The following ANXA5 variants were observed in gnomAD, a reference collection of about 807,000 sequenced individuals.
ANXA5 encodes CBP-I.
A neutral mutation model predicts 48.1 loss-of-function variants in ANXA5; 40 were observed. The ratio of observed to expected loss-of-function variants is 0.83; its 90% CI spans 0.65 to 1.08. ANXA5 has a LOEUF of 1.08. Among genes scored for constraint, ANXA5 ranks in the 50% least tolerant of loss-of-function variants. The pLI is 0.00. For missense variants in ANXA5, 357 were observed against 376.8 expected (o/e 0.95, Z 0.44); for synonymous variants, 113 against 129.1 (o/e 0.88, Z 0.85).
intron 11 of ANXA5, 73 bp downstream of exon 11, chr4:121,669,881 A>G: frequency 6.8e-7 from 1 of 1,467,832 alleles, no homozygotes; most frequent in South Asian, 1.2e-5. Flanking sequence ...ATCATCTAAA[A>G]CATAAACAAA....
rs1057138984 is a variant in ANXA5, at chr4:121,668,140, A to G, written c.*328T>C. The stretch of plus-strand genomic sequence containing the variant: ...AGGCTAAGCTTCTGATTAAAGTATC[A>G]TGGTTACAAATGTAATATAAATGGA... On this transcript the variant is annotated 3_prime_UTR_variant, in exon 13 of 13. Coordinates refer to ENST00000296511, the MANE Select transcript of ANXA5 (RefSeq NM_001154.4). The G allele has an allele frequency of 4.8e-5, 9 of 186,690 alleles. No homozygotes were observed. The highest frequency in any genetic ancestry group is 3.0e-4 in the Admixed American group (5 of 16,744). 11.6% of individuals were successfully genotyped at this position (186,690 alleles called of 1,614,324 possible).
intron 1 of ANXA5, 39 bp from the exon 2 acceptor site, chr4:121,696,663 T>G (rs942658689): frequency 1.2e-5 from 15 of 1,275,244 alleles, no homozygotes; most frequent in Non-Finnish European, 1.3e-5. Flanking sequence ...GCGCGCCATT[T>G]GCAACTCGTG....
At chr4:121,685,639 C>T (rs997242013) in intron 3 of ANXA5, among the ~76,000 whole-genome samples, 2 of 152,200 alleles carry the variant, frequency 1.3e-5, no homozygotes, top group East Asian at 3.9e-4. Context: ...AACAGTAGTA[C>T]AAAAGGAGCC....
At chr4:121,685,936 C>T (rs1422228715) in intron 3 of ANXA5, among the ~76,000 whole-genome samples, 1 of 151,992 alleles carries the variant, frequency 6.6e-6, no homozygotes, top group Non-Finnish European at 1.5e-5. Context: ...TTGTCCAACC[C>T]ATGGCCTGCA....
Position 121,678,443 on chromosome 4 carries a change from T to A in ANXA5, c.446A>T (p.Tyr149Phe), listed in dbSNP as rs1479728412. 1 of 1,613,788 alleles carries A rather than the reference T, an allele frequency of 6.2e-7. No homozygotes were observed. The highest frequency in any genetic ancestry group is 8.5e-7 in the Non-Finnish European group (1 of 1,179,856). The change falls in exon 7 of 13, where the codon TAC becomes TTC. Residue 149 changes from tyrosine to phenylalanine, a missense_variant. Tyr to Phe is a conservative substitution (Grantham distance 22). Transcript: ENST00000296511. ...AAGGAGAACCACCAACATCCGCTGG[T>A]AGTACCCTGAAGTGTCCCCCACCAC... Reference protein sequence around the residue: ...DDVVGDTSGYYQRMLVVLLQA... With the variant: ...DDVVGDTSGYFQRMLVVLLQA...
intron 2 of ANXA5, among the ~76,000 whole-genome samples, chr4:121,694,284 AAAC>A (rs1227824976): frequency 2.0e-5 from 2 of 102,296 alleles, no homozygotes; most frequent in Admixed American, 8.9e-5. Context: ...AATAAAAAAT[AAAC>A]AAAAAAATTC....
intron 8 of ANXA5, among the ~76,000 whole-genome samples, chr4:121,675,400 A>AT: frequency 6.6e-6 from 1 of 152,222 alleles, no homozygotes; most frequent in Non-Finnish European, 1.5e-5. Flanking sequence ...CTCACTAGTG[A>AT]TAACAGTCCA....
At chr4:121,684,635 A>G in intron 4 of ANXA5, 42 bp downstream of exon 4, 1 of 1,519,130 alleles carries the variant, frequency 6.6e-7, no homozygotes, top group Non-Finnish European at 9.1e-7. Context: ...TATAACTGAT[A>G]GCTGTTCTCC....
rs746183924 is a variant in ANXA5 at position 121,669,988 on chromosome 4, G to T, written c.746C>A (p.Ala249Asp). 6.2e-7 allele frequency: 1 copy of T among 1,604,610 alleles called. No homozygotes were observed. ...ATAATAGAGGGTCTCTGCAAGGTAG[G>T]CAGGTATACTTCGAATAGATTTCAC... ...AVVKSIRSIP[A>D]YLAETLYYAM... The change falls in exon 11 of 13, where the codon GCC becomes GAC. Residue 249 changes from alanine to aspartate, a missense_variant. By Grantham distance (126) the Ala-to-Asp change is moderately radical (BLOSUM62 -2). Coordinates refer to ENST00000296511, the MANE Select transcript of ANXA5 (RefSeq NM_001154.4).
At chr4:121,681,046 C>T (rs1216588973) in intron 6 of ANXA5, among the ~76,000 whole-genome samples, 1 of 152,106 alleles carries the variant, frequency 6.6e-6, no homozygotes, top group South Asian at 2.1e-4. Flanking sequence ...GAGTTGGCTA[C>T]AAGAAATCTG....
intron 2 of ANXA5, among the ~76,000 whole-genome samples, chr4:121,690,611 T>C (rs763784230): frequency 6.6e-6 from 1 of 151,986 alleles, no homozygotes; most frequent in Non-Finnish European, 1.5e-5. Flanking sequence ...TTGTAGGCTA[T>C]GAAGAAACTT....
At position 121,681,754 on chromosome 4, in the gene ANXA5, C is replaced by T. The variant is rs1270580079; in HGVS notation, c.311G>A (p.Gly104Glu). The T allele has an allele frequency of 9.9e-6, 16 of 1,609,580 alleles. No individual in the cohort carries two copies. In the South Asian group the frequency reaches 1.7e-4, roughly 17 times the overall value. ...TTCTGTCAGTACTTTTTCATTTGTT[C>T]CAGCTCCCTGTTTGGAGATTTTAAT... Reference protein sequence around the residue: ...YELKHALKGAGTNEKVLTEII... With the variant: ...YELKHALKGAETNEKVLTEII... Residue 104 changes from glycine (G) to glutamate (E), a missense_variant, in exon 6 of 13, where the codon GGA becomes GAA. By Grantham distance (98) the Gly-to-Glu change is moderately conservative. Coordinates refer to ENST00000296511, the MANE Select transcript of ANXA5 (RefSeq NM_001154.4).
At chr4:121,695,830 G>A (rs1055692875) in intron 2 of ANXA5, among the ~76,000 whole-genome samples, 3 of 151,820 alleles carry the variant, frequency 2.0e-5, no homozygotes, top group East Asian at 3.9e-4. Flanking sequence ...AACCCGGGAG[G>A]CAGAGGTTGT....
rs1724553655 is a variant in ANXA5 at position 121,668,263 on chromosome 4, GT to G, written c.*204del. 1 of 521,450 alleles carries G rather than the reference GT, an allele frequency of 1.9e-6. No homozygotes were observed. Among genetic ancestry groups the G allele is most frequent in the Non-Finnish European group, 3.4e-6 (1 of 291,948 alleles). The allele number at this position is 521,450 out of a possible 1,614,324, so 32.3% of individuals were successfully genotyped here. A position where few individuals can be genotyped will look rare whatever the true frequency, so the allele number is the denominator to read the frequency against. ...ACTTAGTAACATTAAGTACACTTTA[GT>G]ACTACAGCAGTCAAAGAGATCTCCA... On this transcript the variant is annotated 3_prime_UTR_variant, in exon 13 of 13. Coordinates refer to ENST00000296511, the MANE Select transcript of ANXA5 (RefSeq NM_001154.4).
intron 6 of ANXA5, among the ~76,000 whole-genome samples, chr4:121,678,890 G>A (rs1305164588): frequency 6.6e-6 from 1 of 151,040 alleles, no homozygotes; most frequent in Non-Finnish European, 1.5e-5. Context: ...CTAATATTCT[G>A]AGATTTATTT....
intron 6 of ANXA5, among the ~76,000 whole-genome samples, chr4:121,680,656 AC>A (rs1724776117): frequency 2.0e-5 from 3 of 151,948 alleles, no homozygotes; most frequent in South Asian, 4.2e-4. Flanking sequence ...CACAGTTATT[AC>A]CCCCTTTGAG....
At chr4:121,686,974 T>G (rs2110488527) in intron 2 of ANXA5, among the ~76,000 whole-genome samples, 1 of 152,332 alleles carries the variant, frequency 6.6e-6, no homozygotes. Flanking sequence ...ATATATACAC[T>G]GCTTTTAATA....
chr4:121,689,474 C>T (rs1021435335), intron 2 of ANXA5, among the ~76,000 whole-genome samples: 2 of 152,102 alleles, frequency 1.3e-5, no homozygotes, highest in African/African-American at 4.8e-5. Context: ...GCAATGTGAG[C>T]ACATTTGAGA....
chr4:121,694,588 T>C (rs1725046965), intron 2 of ANXA5, among the ~76,000 whole-genome samples: 1 of 152,144 alleles, frequency 6.6e-6, no homozygotes, highest in Non-Finnish European at 1.5e-5. Context: ...TCTCACCATG[T>C]TGGTTAGGCT....
Sources: gnomAD v4.1 joint callset for allele counts (sites outside exome capture counted in the v4.1 genomes callset) on GRCh38, gnomAD v4.1.1 for gene constraint, MANE v1.5 for transcripts, NCBI Gene and HGNC (gene_info 2026-07-23, HGNC 2026-07-21) for gene names.